The following PPP3CA variants were observed in gnomAD, a reference collection of about 807,000 sequenced individuals.
PPP3CA encodes the protein protein phosphatase 3 catalytic subunit alpha.
PPP3CA carries 14 observed loss-of-function variants against 66.5 expected under a neutral mutation model. The observed-to-expected ratio is 0.21, with a 90% confidence interval of 0.14 to 0.33. PPP3CA has a LOEUF of 0.33. PPP3CA is among the 10% of genes least tolerant of loss of function. The pLI, the probability that PPP3CA is intolerant of heterozygous loss-of-function variation, is 1.00. For missense variants in PPP3CA, 317 were observed against 639.5 expected, an observed-to-expected ratio of 0.50 and a Z score of 5.44; for synonymous variants, 232 against 226.2, an observed-to-expected ratio of 1.03 and a Z score of -0.23.
rs926848750 is a variant in PPP3CA at position 101,066,788 on chromosome 4, C to T, written c.956-3431G>A. Among the ~76,000 whole-genome samples, 6 of 152,078 alleles carry T rather than the reference C, an allele frequency of 3.9e-5. No homozygotes were observed. The South Asian group carries it at 1.2e-3, about 31-fold the overall frequency. Reference sequence around the variant, plus strand: ...ATCCTCCGCCCCTGCCACCTGCCTCCGACTGTCATTGGGATTACAAAACCC... The same window carrying T: ...ATCCTCCGCCCCTGCCACCTGCCTCTGACTGTCATTGGGATTACAAAACCC... On this transcript the variant is annotated intron_variant, in intron 8 of 13. Transcript: ENST00000394854.
chr4:101,291,963 T>C (rs1188369858), intron 1 of PPP3CA, among the ~76,000 whole-genome samples: 1 of 151,932 alleles, frequency 6.6e-6, no homozygotes, highest in African/African-American at 2.4e-5. Context: ...ACCCTATCTT[T>C]ACAAAAATAA....
Position 101,040,575 on chromosome 4 carries a change from TCAAA to T in PPP3CA, c.1157-13_1157-10del, listed in dbSNP as rs1445023524. 20 of 1,607,038 alleles carry T rather than the reference TCAAA, an allele frequency of 1.2e-5. No individual in the cohort carries two copies. The highest frequency in any genetic ancestry group is 2.2e-5 in the East Asian group (1 of 44,726). ...GGCTGCAGCTGTTGCACCTGTATTT[TCAAA>T]CAGAGTTCAGTGGTCAGTAATTTTT... On this transcript the variant is annotated splice_polypyrimidine_tract_variant and intron_variant, in intron 10 of 13. Transcript: ENST00000394854.
intron 7 of PPP3CA, among the ~76,000 whole-genome samples, chr4:101,082,623 A>G (rs1436786052): frequency 6.6e-6 from 1 of 152,208 alleles, no homozygotes; most frequent in Non-Finnish European, 1.5e-5. Context: ...TTAGAAACTT[A>G]CCAGGTGAGA....
chr4:101,093,593 T>G (rs1055049301), intron 6 of PPP3CA, among the ~76,000 whole-genome samples, 183 bp downstream of exon 6: 1 of 152,186 alleles, frequency 6.6e-6, no homozygotes, highest in African/African-American at 2.4e-5. Context: ...TGTATACATA[T>G]CTATTTCACA....
At chr4:101,223,724 A>T (rs1022598427) in intron 1 of PPP3CA, among the ~76,000 whole-genome samples, 12 of 151,906 alleles carry the variant, frequency 7.9e-5, no homozygotes, top group African/African-American at 2.9e-4. Flanking sequence ...TACGTAAATG[A>T]AAACTGAAAA....
intron 8 of PPP3CA, among the ~76,000 whole-genome samples, chr4:101,074,355 C>A (rs959393432): frequency 1.3e-5 from 2 of 152,014 alleles, no homozygotes; most frequent in African/African-American, 4.8e-5. Flanking sequence ...ACAGGGGTAG[C>A]AGATATCTAT....
At chr4:101,153,437 A>C (rs890852522) in intron 2 of PPP3CA, among the ~76,000 whole-genome samples, 1 of 152,246 alleles carries the variant, frequency 6.6e-6, no homozygotes, top group African/African-American at 2.4e-5. Flanking sequence ...CATATAGTTC[A>C]AGATTTCTGA....
intron 1 of PPP3CA, among the ~76,000 whole-genome samples, chr4:101,277,294 C>A (rs1727526025): frequency 6.6e-6 from 1 of 152,146 alleles, no homozygotes; most frequent in Admixed American, 6.5e-5. Context: ...GTTTATCTAT[C>A]CATTCACTTA....
intron 2 of PPP3CA, among the ~76,000 whole-genome samples, chr4:101,124,781 AAGAAAGAAAGAAAG>A (rs1722188943): frequency 7.7e-6 from 1 of 129,538 alleles, no homozygotes; most frequent in African/African-American, 3.3e-5. Context: ...GAAAGAAAGA[AAGAAAGAAAGAAAG>A]AAAGAGAAAA....
At chr4:101,225,119 T>C (rs936214744) in intron 1 of PPP3CA, among the ~76,000 whole-genome samples, 3 of 151,824 alleles carry the variant, frequency 2.0e-5, no homozygotes, top group Non-Finnish European at 4.4e-5. Context: ...TTCTGAGACT[T>C]TCCCTAACCA....
intron 2 of PPP3CA, among the ~76,000 whole-genome samples, chr4:101,125,458 G>A (rs1194818481): frequency 6.6e-6 from 1 of 152,060 alleles, no homozygotes; most frequent in African/African-American, 2.4e-5. Flanking sequence ...CCCTCTGAAG[G>A]TCTCCTGCAC....
chr4:101,266,530 A>G (rs964285895), intron 1 of PPP3CA, among the ~76,000 whole-genome samples: 1 of 152,226 alleles, frequency 6.6e-6, no homozygotes, highest in Non-Finnish European at 1.5e-5. Flanking sequence ...TATTCAGTCT[A>G]TATCAACTGT....
chr4:101,341,213 T>TC (rs1280898985), intron 1 of PPP3CA, among the ~76,000 whole-genome samples: 1 of 150,702 alleles, frequency 6.6e-6, no homozygotes, highest in African/African-American at 2.4e-5. Flanking sequence ...TTTTTCTTTT[T>TC]TTTTTTTTTA....
At chr4:101,190,784 T>C (rs1405461691) in intron 2 of PPP3CA, among the ~76,000 whole-genome samples, 2 of 152,202 alleles carry the variant, frequency 1.3e-5, no homozygotes, top group Non-Finnish European at 2.9e-5. Flanking sequence ...TTCTGTTTCA[T>C]CCTGCCTGCT....
At chr4:101,193,837 G>T (rs986359137) in intron 2 of PPP3CA, among the ~76,000 whole-genome samples, 1 of 152,106 alleles carries the variant, frequency 6.6e-6, no homozygotes, top group East Asian at 1.9e-4. Flanking sequence ...CAATAACTAG[G>T]ACATTAATTC....
At chr4:101,124,727 GAA>G (rs1560614467) in intron 2 of PPP3CA, among the ~76,000 whole-genome samples, 29 of 49,928 alleles carry the variant, frequency 5.8e-4, no homozygotes, top group East Asian at 4.4e-3. Flanking sequence ...GAAAGAAAGA[GAA>G]AGAAAGAAAG....
intron 3 of PPP3CA, among the ~76,000 whole-genome samples, chr4:101,108,725 C>T (rs576282632): frequency 4.6e-5 from 7 of 152,280 alleles, no homozygotes; most frequent in Non-Finnish European, 7.4e-5. Flanking sequence ...GCAGAGATCA[C>T]GCCACTGCAC....
At chr4:101,249,054 G>A (rs1726585334) in intron 1 of PPP3CA, among the ~76,000 whole-genome samples, 1 of 151,742 alleles carries the variant, frequency 6.6e-6, no homozygotes, top group South Asian at 2.1e-4. Flanking sequence ...CAGCTACTCG[G>A]GAGGCTGAGG....
intron 2 of PPP3CA, among the ~76,000 whole-genome samples, chr4:101,159,085 C>T (rs927019091): frequency 9.9e-5 from 15 of 152,096 alleles, no homozygotes; most frequent in African/African-American, 2.7e-4. Flanking sequence ...ATTATGCAGA[C>T]GAGGAAACTG....
Sources: gnomAD v4.1 joint callset for allele counts (sites outside exome capture counted in the v4.1 genomes callset) on GRCh38, gnomAD v4.1.1 for gene constraint, MANE v1.5 for transcripts, NCBI Gene and HGNC (gene_info 2026-07-23, HGNC 2026-07-21) for gene names.